Variants in CCDC74B observed in about 807,000 individuals in gnomAD.
The protein encoded by CCDC74B is coiled-coil domain-containing protein 74B.
A neutral mutation model predicts 38.0 loss-of-function variants in CCDC74B; 34 were observed. The observed-to-expected ratio is 0.89, with a 90% CI of 0.68 to 1.19. CCDC74B has a LOEUF of 1.19. Among genes scored for constraint, CCDC74B ranks in the 50% most tolerant of loss-of-function variants. The pLI, the probability that CCDC74B is intolerant of heterozygous loss-of-function variation, is 0.00. For missense variants in CCDC74B, 358 were observed against 406.0 expected, an observed-to-expected ratio of 0.88 and a Z score of 1.02; for synonymous variants, 132 against 170.4, an observed-to-expected ratio of 0.77 and a Z score of 1.76.
At chr2:130,141,638 C>T (rs1310306750) in intron 3 of CCDC74B, 3 of 413,120 alleles carry the variant, frequency 7.3e-6, no homozygotes, top group African/African-American at 2.0e-5. Context: ...CTGGGCCCAT[C>T]ACAGGAATGG....
intron 7 of CCDC74B, 100 bp downstream of exon 7, chr2:130,139,791 A>G: frequency 1.2e-6 from 2 of 1,607,420 alleles, no homozygotes; most frequent in Non-Finnish European, 1.7e-6. Context: ...GAGAGGCCTC[A>G]GCGAGCTCCG....
intron 4 of CCDC74B, chr2:130,140,804 C>A (rs1259414307): frequency 3.7e-6 from 1 of 268,512 alleles, no homozygotes; most frequent in African/African-American, 2.6e-5. Context: ...TGGCCTAGTG[C>A]CCTCCAAAGG....
At position 130,139,376 on chromosome 2, in the gene CCDC74B, A is replaced by G; in HGVS notation, c.*179T>C. The G allele has an allele frequency of 2.6e-6, 2 of 776,796 alleles. No individual in the cohort carries two copies. The highest frequency in any genetic ancestry group is 4.0e-6 in the Non-Finnish European group (2 of 495,024). The allele number at this position is 776,796 out of a possible 1,614,324, so 48.1% of individuals were successfully genotyped here. A position where few individuals can be genotyped will look rare whatever the true frequency, so the allele number is the denominator to read the frequency against. ...TTTTATGTAAATGCCAAATAGCAAA[A>G]TAACAGCTAGAAAATAAACAGTTTG... On this transcript the variant is annotated 3_prime_UTR_variant, in exon 8 of 8. Coordinates refer to ENST00000409943, the MANE Select transcript of CCDC74B (RefSeq NM_001258307.2).
At chr2:130,143,373 A>C (rs535804719) in intron 1 of CCDC74B, 60 bp from the exon 2 acceptor site, 39 of 1,609,314 alleles carry the variant, frequency 2.4e-5, no homozygotes, top group Non-Finnish European at 3.1e-5. Flanking sequence ...CTGAGAGAAG[A>C]AGCCTGGCCT....
rs779925188 is a variant in CCDC74B, at chr2:130,143,355, C to G, written c.251-42G>C. 3 of 1,613,314 alleles carry G rather than the reference C, an allele frequency of 1.9e-6. No homozygotes were observed. The East Asian group carries it at 6.7e-5, about 36-fold the overall frequency. ...GCTCTCCTCAGCACTTGTGAAACCA[C>G]AGCCATTCTGAGAGAAGAAGCCTGG... On this transcript the variant is annotated intron_variant, in intron 1 of 7. Transcript: ENST00000409943.
rs142651686 is a variant in CCDC74B, at chr2:130,143,759, A to G, written c.251-446T>C. 3.7e-3 allele frequency among the ~76,000 whole-genome samples: 567 copies of G among 152,110 alleles called. 19 individuals carry two copies. In the East Asian group the frequency reaches 0.074, roughly 20 times the overall value. ...GTCCTGACAAAACAGACGCCTGGTG[A>G]TGGGATACTCGGCACTCAGGTAAGG... is the stretch of plus-strand genomic sequence containing the variant. On this transcript the variant is annotated intron_variant, in intron 1 of 7. Transcript: ENST00000409943.
At chr2:130,140,157 C>A in intron 5 of CCDC74B, 22 bp downstream of exon 5, 1 of 1,611,824 alleles carries the variant, frequency 6.2e-7, no homozygotes, top group Non-Finnish European at 8.5e-7. Flanking sequence ...CCCAGGGCCA[C>A]CCCCACCACC....
chr2:130,142,334 C>T lies in CCDC74B; in HGVS notation c.296-151G>A, dbSNP rs376855392. 118 of 1,612,326 alleles carry T rather than the reference C, an allele frequency of 7.3e-5. No individual in the cohort carries two copies. The highest frequency in any genetic ancestry group is 9.0e-5 in the Non-Finnish European group (106 of 1,179,416). On this transcript the variant is annotated intron_variant, in intron 2 of 7. Transcript: ENST00000409943. ...ACTCCGTTGATGCAGACCCAGCGAG[C>T]GCCCAAGGGAGCAGAGGCCCTGGAA...
chr2:130,142,435 A>G, intron 2 of CCDC74B: 3 of 1,613,406 alleles, frequency 1.9e-6, no homozygotes, highest in South Asian at 1.1e-5. Flanking sequence ...GAGGGAGAGC[A>G]TGGCCTCTTC....
At chr2:130,144,493 A>G in intron 1 of CCDC74B, 3 of 1,538,732 alleles carry the variant, frequency 1.9e-6, no homozygotes, top group South Asian at 1.2e-5. Flanking sequence ...AGAGGAGAGG[A>G]CTGGCGGAGT....
rs764172687 is a variant in CCDC74B at position 130,140,367 on chromosome 2, C to A, written c.490G>T (p.Glu164Ter). 1 of 1,573,068 alleles carries A rather than the reference C, an allele frequency of 6.4e-7. No individual in the cohort carries two copies. The highest frequency in any genetic ancestry group is 2.2e-5 in the East Asian group (1 of 44,634). The change falls in exon 5 of 8, where the codon GAG becomes TAG. Residue 164 changes from glutamate to a stop codon, truncating the protein, a stop_gained. Coordinates refer to ENST00000409943, the MANE Select transcript of CCDC74B (RefSeq NM_001258307.2). LOFTEE classifies it high-confidence loss of function. ...CCTGCGTTAGAGGCCTCTGCTTTCT[C>A]CTTTCTGAAACAGTCATTGCAGCAG... ...VPGVQGQARK[E>*]KAEASNAGAA...
intron 2 of CCDC74B, 148 bp downstream of exon 2, chr2:130,143,121 G>A: frequency 6.6e-7 from 1 of 1,513,390 alleles, no homozygotes; most frequent in East Asian, 2.3e-5. Flanking sequence ...ACGGCTAGAG[G>A]TAGCGGCATC....
intron 1 of CCDC74B, among the ~76,000 whole-genome samples, 200 bp from the exon 2 acceptor site, chr2:130,143,513 C>A (rs1294467515): frequency 1.3e-5 from 2 of 152,196 alleles, no homozygotes; most frequent in Non-Finnish European, 2.9e-5. Context: ...TGCCTGTTCC[C>A]TAGGCAGAGC....
chr2:130,142,268 C>G, intron 2 of CCDC74B, 85 bp from the exon 3 acceptor site: 1 of 1,599,398 alleles, frequency 6.3e-7, no homozygotes, highest in Non-Finnish European at 8.5e-7. Context: ...GAGGAGCCCT[C>G]CTTCAGCCTG....
Position 130,144,796 on chromosome 2 carries a change from C to A in CCDC74B, c.201G>T (p.Met67Ile), listed in dbSNP as rs770595968. 1 of 1,613,538 alleles carries A rather than the reference C, an allele frequency of 6.2e-7. No homozygotes were observed. Among genetic ancestry groups the A allele is most frequent in the African/African-American group, 1.3e-5 (1 of 74,726 alleles). Residue 67 changes from methionine (M) to isoleucine (I), a missense_variant, in exon 1 of 8, where the codon ATG (methionine) becomes ATT (isoleucine). Met to Ile is a conservative substitution (Grantham distance 10). Transcript: ENST00000409943. ...CGATCTCCTCATGGAGCTTGGCCAGCATCTCCGAGTGCTGCTGCTGCAGGA... is the reference window on the plus strand; with the variant it reads ...CGATCTCCTCATGGAGCTTGGCCAGAATCTCCGAGTGCTGCTGCTGCAGGA... ...LQFLQQQHSEMLAKLHEEIEH... is the reference protein window; with the variant it reads ...LQFLQQQHSEILAKLHEEIEH...
At chr2:130,143,520 G>A (rs1219088774) in intron 1 of CCDC74B, among the ~76,000 whole-genome samples, 1 of 152,240 alleles carries the variant, frequency 6.6e-6, no homozygotes, top group Non-Finnish European at 1.5e-5. Flanking sequence ...TCCCTAGGCA[G>A]AGCCCACCTG....
chr2:130,143,769 C>A (rs1436393811), intron 1 of CCDC74B, among the ~76,000 whole-genome samples: 1 of 152,026 alleles, frequency 6.6e-6, no homozygotes, highest in African/African-American at 2.4e-5. Context: ...ATGGGATACT[C>A]GGCACTCAGG....
In CCDC74B at chr2:130,140,026, G is replaced by C; in HGVS notation, c.749C>G (p.Pro250Arg). 6.2e-7 allele frequency: 1 copy of C among 1,605,972 alleles called. No homozygotes were observed. Among genetic ancestry groups the C allele is most frequent in the Non-Finnish European group, 8.5e-7 (1 of 1,176,604 alleles). Residue 250 changes from proline to arginine, a missense_variant, in exon 6 of 8, where the codon CCC (proline) becomes CGC (arginine). Pro to Arg is a moderately radical substitution (Grantham distance 103). Around this residue, in one of 3 missense-constraint regions of CCDC74B, gnomAD observed 213 missense variants for 212.3 expected, o/e 1.00. Transcript: ENST00000409943. ...CAGGGGTGCACCAGGCACTCACCTG[G>C]GAAAGCTAGCTTCCTCCGGGACTGC... ...PQAVPEEASFPRDQEATHFPK... is the reference protein window; with the variant it reads ...PQAVPEEASFRRDQEATHFPK...
intron 7 of CCDC74B, 32 bp from the exon 8 acceptor site, chr2:130,139,722 G>T: frequency 1.2e-6 from 2 of 1,611,740 alleles, no homozygotes; most frequent in Non-Finnish European, 8.5e-7. Context: ...GTCACCGTGA[G>T]CATCCTCGCG....
Sources: allele counts gnomAD v4.1 joint callset (sites outside exome capture counted in the v4.1 genomes callset), GRCh38; gene constraint gnomAD v4.1.1; regional missense constraint gnomAD v4.1.1; transcripts MANE v1.5; gene names NCBI Gene and HGNC (gene_info 2026-07-23, HGNC 2026-07-21).